The following ANO3 variants were observed in gnomAD, a reference collection of about 807,000 sequenced individuals.
The protein encoded by ANO3 is anoctamin-3.
A neutral mutation model predicts 144.8 loss-of-function variants in ANO3; 99 were observed. The ratio of observed to expected loss-of-function variants is 0.68; its 90% confidence interval spans 0.58 to 0.81. ANO3 has a LOEUF of 0.81. Ranked by LOEUF, ANO3 falls within the 30% of genes least tolerant of loss-of-function variation. The probability of loss-of-function intolerance (pLI) is 0.00; values close to 1 mark genes in which losing one functional copy is unlikely to be tolerated. For synonymous variants in ANO3, 414 were observed against 392.6 expected, an observed-to-expected ratio of 1.05 and a Z score of -0.64; for missense variants, 905 against 1,202.2, an observed-to-expected ratio of 0.75 and a Z score of 3.66.
At chr11:26,506,621 A>G (rs1406265150) in intron 4 of ANO3, among the ~76,000 whole-genome samples, 1 of 152,174 alleles carries the variant, frequency 6.6e-6, no homozygotes, top group Non-Finnish European at 1.5e-5. Context: ...TGGAAATCTC[A>G]GAGCTTTTTT....
At chr11:26,540,278 A>G (rs1364822732) in intron 10 of ANO3, among the ~76,000 whole-genome samples, 1 of 152,188 alleles carries the variant, frequency 6.6e-6, no homozygotes, top group Non-Finnish European at 1.5e-5. Context: ...CTGGTTCAAC[A>G]TATGCAAATC....
chr11:26,541,826 T>G, intron 10 of ANO3, 121 bp from the exon 11 acceptor site: 1 of 906,088 alleles, frequency 1.1e-6, no homozygotes. Context: ...GGGCTTAAGT[T>G]TATCATTTTT....
At chr11:26,203,767 T>C (rs993500192) in intron 1 of ANO3, among the ~76,000 whole-genome samples, 1 of 152,150 alleles carries the variant, frequency 6.6e-6, no homozygotes, top group Non-Finnish European at 1.5e-5. Flanking sequence ...CATGTGCCTT[T>C]AACTAAAAAT....
At chr11:26,612,511 A>G (rs1852128124) in intron 17 of ANO3, among the ~76,000 whole-genome samples, 1 of 149,972 alleles carries the variant, frequency 6.7e-6, no homozygotes, top group South Asian at 2.1e-4. Context: ...AACCTTTCAT[A>G]CTAGATGATT....
chr11:26,365,110 G>A (rs1052722485), intron 1 of ANO3, among the ~76,000 whole-genome samples: 1 of 152,216 alleles, frequency 6.6e-6, no homozygotes, highest in African/African-American at 2.4e-5. Flanking sequence ...AGGGGCTGCA[G>A]GCCACACACA....
intron 1 of ANO3, among the ~76,000 whole-genome samples, chr11:26,322,782 C>T (rs1377396094): frequency 2.6e-5 from 4 of 151,968 alleles, no homozygotes; most frequent in African/African-American, 9.7e-5. Context: ...TTCCCCTTTC[C>T]CATACTGTAC....
At chr11:26,521,248 T>C (rs745850743) in intron 6 of ANO3, among the ~76,000 whole-genome samples, 23 of 152,168 alleles carry the variant, frequency 1.5e-4, no homozygotes, top group Non-Finnish European at 2.6e-4. Flanking sequence ...AATAATAACC[T>C]AAATAGGAAA....
At chr11:26,308,663 T>C (rs945670607), upstream of ANO3, among the ~76,000 whole-genome samples, 19 of 152,208 alleles carry the variant, frequency 1.2e-4, no homozygotes, top group African/African-American at 4.3e-4. Flanking sequence ...ACAAGGTACT[T>C]TGTCAAACAT....
intron 1 of ANO3, among the ~76,000 whole-genome samples, chr11:26,351,003 C>T (rs1441596110): frequency 6.6e-6 from 1 of 152,104 alleles, no homozygotes; most frequent in African/African-American, 2.4e-5. Context: ...TTGAGCTGTA[C>T]AGTGTTGTCA....
chr11:26,604,115 A>G (rs915460236), intron 17 of ANO3, among the ~76,000 whole-genome samples: 2 of 152,078 alleles, frequency 1.3e-5, no homozygotes, highest in African/African-American at 4.8e-5. Context: ...TCCCCAACCC[A>G]GTATCTGATA....
intron 1 of ANO3, among the ~76,000 whole-genome samples, chr11:26,342,779 T>C (rs540935914): frequency 1.3e-5 from 2 of 152,244 alleles, no homozygotes; most frequent in Non-Finnish European, 2.9e-5. Flanking sequence ...CTGAATAATA[T>C]CCACTAACTG....
intron 1 of ANO3, among the ~76,000 whole-genome samples, chr11:26,360,720 TCTCTG>T (rs970362981): frequency 5.4e-4 from 83 of 152,312 alleles, no homozygotes; most frequent in Middle Eastern, 3.4e-3. Flanking sequence ...TTCGAAGCTT[TCTCTG>T]CTCTACTTTG....
At chr11:26,307,757 T>TAATAATAATAAC (rs998358229), upstream of ANO3, among the ~76,000 whole-genome samples, 7 of 144,840 alleles carry the variant, frequency 4.8e-5, no homozygotes, top group Non-Finnish European at 6.0e-5. Context: ...ATAATAATAA[T>TAATAATAATAAC]AACAATTTAA....
At chr11:26,557,985 T>C (rs1385733864) in intron 13 of ANO3, among the ~76,000 whole-genome samples, 1 of 152,238 alleles carries the variant, frequency 6.6e-6, no homozygotes, top group Non-Finnish European at 1.5e-5. Context: ...TCTTCTCTAA[T>C]GCTCCTTCTA....
chr11:26,199,282 A>C (rs1213339600), intron 1 of ANO3, among the ~76,000 whole-genome samples: 5 of 152,074 alleles, frequency 3.3e-5, no homozygotes, highest in African/African-American at 1.2e-4. Context: ...CTCATATAGA[A>C]ATTTAATGGG....
At position 26,647,692 on chromosome 11, in the gene ANO3, A is replaced by G; in HGVS notation, c.2429-17A>G. On this transcript the variant is annotated splice_polypyrimidine_tract_variant and intron_variant, in intron 23 of 26. Transcript: ENST00000256737. ...TTCTTCATTTTTGTTCACCATGATT[A>G]ATCTTTCTCTTACCAGGTATCTGGC... The G allele has an allele frequency of 6.3e-7, 1 of 1,586,704 alleles. No homozygotes were observed. The highest frequency in any genetic ancestry group is 2.3e-5 in the East Asian group (1 of 44,352).
intron 1 of ANO3, among the ~76,000 whole-genome samples, chr11:26,407,687 T>C (rs140277454): frequency 1.0e-3 from 154 of 151,930 alleles, no homozygotes; most frequent in Non-Finnish European, 2.0e-3. Flanking sequence ...AATTAAACCA[T>C]GTCACTCTGT....
At chr11:26,231,531 C>T (rs1852399896) in intron 1 of ANO3, among the ~76,000 whole-genome samples, 2 of 152,138 alleles carry the variant, frequency 1.3e-5, no homozygotes, top group African/African-American at 4.8e-5. Context: ...CATCAATTAG[C>T]AGTATTAATG....
At chr11:26,355,685 G>A (rs545701759) in intron 1 of ANO3, among the ~76,000 whole-genome samples, 1 of 151,390 alleles carries the variant, frequency 6.6e-6, no homozygotes, top group East Asian at 1.9e-4. Context: ...TCAGCCTCCC[G>A]AGTAGCTGGG....
Sources: allele counts gnomAD v4.1 joint callset (sites outside exome capture counted in the v4.1 genomes callset), GRCh38; gene constraint gnomAD v4.1.1; transcripts MANE v1.5; gene names NCBI Gene and HGNC (gene_info 2026-07-23, HGNC 2026-07-21).